The following CUL1 variants were observed in gnomAD, a reference collection of about 807,000 sequenced individuals.
CUL1 encodes the protein cullin-1.
A neutral mutation model predicts 118.0 loss-of-function variants in CUL1; 24 were observed. The ratio of observed to expected loss-of-function variants is 0.20; its 90% confidence interval spans 0.15 to 0.29. CUL1 has a LOEUF of 0.29. Among genes scored for constraint, CUL1 ranks in the 10% least tolerant of loss-of-function variants. The probability of loss-of-function intolerance (pLI) is 1.00; values close to 1 mark genes in which losing one functional copy is unlikely to be tolerated. For synonymous variants in CUL1, 332 were observed against 340.4 expected, an observed-to-expected ratio of 0.98 and a Z score of 0.27; for missense variants, 361 against 933.8, an observed-to-expected ratio of 0.39 and a Z score of 7.99.
At chr7:148,742,368 C>T (rs935949093) in intron 2 of CUL1, among the ~76,000 whole-genome samples, 1 of 152,108 alleles carries the variant, frequency 6.6e-6, no homozygotes, top group Admixed American at 6.5e-5. Context: ...AGAGCTTATG[C>T]AGGGAAACTC....
At chr7:148,729,399 A>G (rs993846598) in intron 1 of CUL1, among the ~76,000 whole-genome samples, 2 of 152,192 alleles carry the variant, frequency 1.3e-5, no homozygotes, top group African/African-American at 4.8e-5. Flanking sequence ...CTTCAAACTC[A>G]GGTCTCTCTG....
At position 148,730,024 on chromosome 7, in the gene CUL1, A is replaced by G. The variant is rs1041386225; in HGVS notation, c.-99A>G. The G allele has an allele frequency of 3.0e-6, 4 of 1,331,440 alleles. No homozygotes were observed. In the African/African-American group the frequency reaches 5.9e-5, roughly 20 times the overall value. 82.5% of individuals were successfully genotyped at this position (1,331,440 alleles called of 1,614,324 possible). On this transcript the variant is annotated 5_prime_UTR_variant, in exon 2 of 22. Transcript: ENST00000325222. The stretch of plus-strand genomic sequence containing the variant: ...GGACATCCTTTCTGAGCTGCTGTGA[A>G]TAAATTTGGAATGGTACTGTATATT...
chr7:148,722,492 C>T (rs1027880604), intron 1 of CUL1, among the ~76,000 whole-genome samples: 1 of 152,238 alleles, frequency 6.6e-6, no homozygotes, highest in Non-Finnish European at 1.5e-5. Flanking sequence ...TGTGGCTGTT[C>T]CTGTCCCCCG....
At chr7:148,750,026 C>T (rs753454465) in intron 2 of CUL1, among the ~76,000 whole-genome samples, 1 of 152,214 alleles carries the variant, frequency 6.6e-6, no homozygotes, top group Non-Finnish European at 1.5e-5. Context: ...TAATCCAGAG[C>T]AAGGCCCTAA....
chr7:148,750,735 TG>T (rs2129460231), intron 2 of CUL1, among the ~76,000 whole-genome samples: 1 of 152,256 alleles, frequency 6.6e-6, no homozygotes, highest in African/African-American at 2.4e-5. Flanking sequence ...CTGACTCTCT[TG>T]GAGGTGAATG....
intron 1 of CUL1, among the ~76,000 whole-genome samples, chr7:148,712,454 A>C (rs1317390417): frequency 6.6e-6 from 1 of 152,214 alleles, no homozygotes; most frequent in Non-Finnish European, 1.5e-5. Flanking sequence ...GGAATTTTAG[A>C]GAAGTGCCAC....
chr7:148,702,589 C>T (rs1445291617), intron 1 of CUL1, among the ~76,000 whole-genome samples: 1 of 152,200 alleles, frequency 6.6e-6, no homozygotes, highest in Admixed American at 6.5e-5. Context: ...CCTTGGGAAA[C>T]TTGGACCAAG....
intron 2 of CUL1, among the ~76,000 whole-genome samples, chr7:148,743,202 G>T (rs1400950249): frequency 5.9e-5 from 9 of 152,308 alleles, no homozygotes; most frequent in Middle Eastern, 3.4e-3. Flanking sequence ...CTATCTTGGT[G>T]AATGTGCCAT....
intron 1 of CUL1, among the ~76,000 whole-genome samples, chr7:148,704,085 A>G (rs1797804653): frequency 6.6e-6 from 1 of 150,390 alleles, no homozygotes; most frequent in African/African-American, 2.4e-5. Flanking sequence ...ACAGAAAAAT[A>G]TTGTAACTTA....
At chr7:148,721,562 A>G (rs1563149918) in intron 1 of CUL1, among the ~76,000 whole-genome samples, 1 of 152,188 alleles carries the variant, frequency 6.6e-6, no homozygotes, top group Non-Finnish European at 1.5e-5. Context: ...CATATGTACA[A>G]TGAAACCACA....
intron 9 of CUL1, among the ~76,000 whole-genome samples, chr7:148,768,378 CTTTTTTTTTT>C (rs10595637): frequency 1.1e-5 from 1 of 94,868 alleles, no homozygotes; most frequent in African/African-American, 4.1e-5. Context: ...AAGAAAAGCT[CTTTTTTTTTT>C]TTTTTTTTTT....
intron 9 of CUL1, among the ~76,000 whole-genome samples, chr7:148,772,852 ATCC>A (rs1160378728): frequency 2.0e-5 from 3 of 151,854 alleles, no homozygotes; most frequent in Non-Finnish European, 4.4e-5. Flanking sequence ...TAGCCTCAGA[ATCC>A]TCCTCAAAGC....
Position 148,767,514 on chromosome 7 carries a change from G to A in CUL1, c.953-105G>A. Reference sequence around the variant, plus strand: ...TTGATTATTAAAGTCTAAAAACATGGTTATCTTTTGCAGAGTATTTTTCAT... The same window carrying A: ...TTGATTATTAAAGTCTAAAAACATGATTATCTTTTGCAGAGTATTTTTCAT... On this transcript the variant is annotated intron_variant, in intron 8 of 21. Coordinates refer to ENST00000325222, the MANE Select transcript of CUL1 (RefSeq NM_003592.3). 4 of 998,778 alleles carry A rather than the reference G, an allele frequency of 4.0e-6. No homozygotes were observed. In the South Asian group the frequency reaches 4.4e-5, roughly 11 times the overall value. 61.9% of individuals were successfully genotyped at this position (998,778 alleles called of 1,614,324 possible). A position where few individuals can be genotyped will look rare whatever the true frequency, so the allele number is the denominator to read the frequency against.
intron 1 of CUL1, among the ~76,000 whole-genome samples, chr7:148,711,466 G>C (rs1584758732): frequency 6.6e-6 from 1 of 152,300 alleles, no homozygotes; most frequent in East Asian, 1.9e-4. Context: ...TCGCTTAACT[G>C]TGCCCAGTTC....
intron 1 of CUL1, among the ~76,000 whole-genome samples, chr7:148,710,869 T>C (rs1172298559): frequency 2.0e-5 from 3 of 152,160 alleles, no homozygotes; most frequent in South Asian, 4.1e-4. Context: ...GGTTTCACCA[T>C]GTTGGTCAGG....
rs1229372368 is a variant in CUL1 at position 148,734,049 on chromosome 7, A to C, written c.140+3787A>C. Among the ~76,000 whole-genome samples, 3 of 152,124 alleles carry C rather than the reference A, an allele frequency of 2.0e-5. No homozygotes were observed. The East Asian group carries it at 5.8e-4, about 29-fold the overall frequency. ...AAAGCCAAAAAAAAAAAGAAAAGAA[A>C]AGAAAATGACCAGAGCATCTGCAGA... On this transcript the variant is annotated intron_variant, in intron 2 of 21. Coordinates refer to ENST00000325222, the MANE Select transcript of CUL1 (RefSeq NM_003592.3).
intron 17 of CUL1, among the ~76,000 whole-genome samples, chr7:148,794,496 G>A (rs189298145): frequency 1.7e-3 from 266 of 152,214 alleles, no homozygotes; most frequent in African/African-American, 6.2e-3. Context: ...TCTTGAAATC[G>A]AGACCCCTAA....
chr7:148,775,197 G>GTAGT (rs1340442665), intron 9 of CUL1, among the ~76,000 whole-genome samples: 2 of 152,214 alleles, frequency 1.3e-5, no homozygotes, highest in Admixed American at 6.5e-5. Flanking sequence ...TTTCTCTTCT[G>GTAGT]TAGTGAAGTG....
At chr7:148,773,723 GTCTTC>G (rs1800300585) in intron 9 of CUL1, among the ~76,000 whole-genome samples, 1 of 152,160 alleles carries the variant, frequency 6.6e-6, no homozygotes, top group Non-Finnish European at 1.5e-5. Context: ...TAGTTCTTCT[GTCTTC>G]TCTTCTTAGA....
Sources: allele counts gnomAD v4.1 joint callset (sites outside exome capture counted in the v4.1 genomes callset), GRCh38; gene constraint gnomAD v4.1.1; transcripts MANE v1.5; gene names NCBI Gene and HGNC (gene_info 2026-07-23, HGNC 2026-07-21).